The following RBFOX1 variants were observed in gnomAD, a reference collection of about 807,000 sequenced individuals.
The protein encoded by RBFOX1 is RNA binding protein fox-1 homolog 1.
A neutral mutation model predicts 57.7 loss-of-function variants in RBFOX1; 8 were observed. That is an observed-to-expected ratio of 0.14 (90% CI 0.08 to 0.25). The LOEUF (loss-of-function observed/expected upper bound fraction) is 0.25, where lower values mean the gene tolerates loss of function less well. RBFOX1 is among the 10% of genes least tolerant of loss of function. RBFOX1 has a pLI of 1.00. For synonymous variants in RBFOX1, 326 were observed against 222.4 expected, an observed-to-expected ratio of 1.47 and a Z score of -4.15; for missense variants, 611 against 548.5, an observed-to-expected ratio of 1.11 and a Z score of -1.14.
chr16:6,893,962 T>C (rs1337355188), intron 3 of RBFOX1, among the ~76,000 whole-genome samples: 9 of 152,162 alleles, frequency 5.9e-5, no homozygotes, highest in Non-Finnish European at 1.3e-4. Flanking sequence ...ATTAACCAAG[T>C]GCTATGATGT....
chr16:7,710,053 G>C (rs2083716566), intron 15 of RBFOX1: 3 of 1,001,400 alleles, frequency 3.0e-6, no homozygotes, highest in Admixed American at 1.2e-4. Context: ...CTGAAGCTCA[G>C]TCATAGAAAT....
chr16:6,766,088 C>T (rs534390345), intron 3 of RBFOX1, among the ~76,000 whole-genome samples: 1 of 151,958 alleles, frequency 6.6e-6, no homozygotes, highest in Non-Finnish European at 1.5e-5. Flanking sequence ...TGCAATTCAT[C>T]CATGTAACCA....
At chr16:6,968,854 T>C (rs2084885278) in intron 3 of RBFOX1, among the ~76,000 whole-genome samples, 1 of 151,894 alleles carries the variant, frequency 6.6e-6, no homozygotes. Context: ...CTGCAGGTCT[T>C]CTGGCAGCTG....
intron 3 of RBFOX1, among the ~76,000 whole-genome samples, chr16:5,813,803 A>G (rs908306308): frequency 2.0e-5 from 3 of 152,196 alleles, no homozygotes; most frequent in South Asian, 2.1e-4. Context: ...ATCCAGTCTC[A>G]CTGGGAATTT....
At position 5,958,938 on chromosome 16, in the gene RBFOX1, C is replaced by A. The variant is rs558115338; in HGVS notation, c.351+91603C>A. Among the ~76,000 whole-genome samples, 134 of 152,282 alleles carry A rather than the reference C, an allele frequency of 8.8e-4. 1 individual carries two copies. The highest frequency in any genetic ancestry group is 4.1e-4 in the Non-Finnish European group (28 of 68,014). On this transcript the variant is annotated intron_variant, in intron 4 of 19. Coordinates refer to the RBFOX1 transcript ENST00000641259. Reference sequence around the variant, plus strand: ...CAGGATAACCTCCCCATCTCAACAACCTAAATCACATCTGCAGAGTTCCTT... The same window carrying A: ...CAGGATAACCTCCCCATCTCAACAAACTAAATCACATCTGCAGAGTTCCTT...
intron 1 of RBFOX1, among the ~76,000 whole-genome samples, chr16:6,192,311 G>C (rs2097146982): frequency 6.6e-6 from 1 of 152,124 alleles, no homozygotes; most frequent in South Asian, 2.1e-4. Flanking sequence ...GGCATTGGTA[G>C]CTCGCTAATG....
chr16:5,845,301 CCTT>C (rs1201756389), intron 3 of RBFOX1, among the ~76,000 whole-genome samples: 3 of 152,164 alleles, frequency 2.0e-5, no homozygotes, highest in African/African-American at 4.8e-5. Context: ...TTCATTTCCT[CCTT>C]CTTCTGGACC....
chr16:6,162,264 C>A (rs2096885248), intron 1 of RBFOX1, among the ~76,000 whole-genome samples: 1 of 152,074 alleles, frequency 6.6e-6, no homozygotes, highest in African/African-American at 2.4e-5. Context: ...ATTACAGGCA[C>A]ACCACTACAT....
chr16:7,148,552 A>C (rs971953630), intron 4 of RBFOX1, among the ~76,000 whole-genome samples: 41 of 152,356 alleles, frequency 2.7e-4, no homozygotes, highest in African/African-American at 9.4e-4. Flanking sequence ...CCCTGAACAG[A>C]CAACATAGCT....
chr16:5,257,913 C>G (rs765204868), intron 1 of RBFOX1, among the ~76,000 whole-genome samples: 31 of 152,150 alleles, frequency 2.0e-4, no homozygotes, highest in Non-Finnish European at 3.5e-4. Flanking sequence ...GGGTCTAACT[C>G]TGTCACCCAG....
chr16:5,527,214 A>C (rs987848662), intron 2 of RBFOX1, among the ~76,000 whole-genome samples: 6 of 152,142 alleles, frequency 3.9e-5, no homozygotes, highest in African/African-American at 1.4e-4. Flanking sequence ...TGTCCTGATG[A>C]GGACCCGCGA....
chr16:6,673,504 C>G (rs1409711861), intron 3 of RBFOX1, among the ~76,000 whole-genome samples: 1 of 152,134 alleles, frequency 6.6e-6, no homozygotes, highest in Non-Finnish European at 1.5e-5. Flanking sequence ...AGGAGAATCA[C>G]CTGAACCCAG....
intron 4 of RBFOX1, among the ~76,000 whole-genome samples, chr16:7,437,984 G>A (rs2098736307): frequency 6.6e-6 from 1 of 151,842 alleles, no homozygotes; most frequent in Admixed American, 6.6e-5. Context: ...CTTTTAGGAT[G>A]CACTTTAGAA....
chr16:6,489,448 A>G (rs12924480), intron 2 of RBFOX1, among the ~76,000 whole-genome samples: 35,216 of 152,090 alleles, frequency 0.23, 4,753 homozygotes, highest in Non-Finnish European at 0.3. Context: ...TACTTTTTAC[A>G]AAGAGGGAAC....
At chr16:6,217,721 A>G (rs879717931) in intron 1 of RBFOX1, among the ~76,000 whole-genome samples, 7 of 152,124 alleles carry the variant, frequency 4.6e-5, no homozygotes, top group Non-Finnish European at 1.0e-4. Flanking sequence ...GCCCTCACAA[A>G]TATGTTGCAT....
In RBFOX1 at chr16:6,931,297, C is replaced by G. The variant is rs1403152883; in HGVS notation, c.-15-120760C>G. Among the ~76,000 whole-genome samples, 11 of 111,288 alleles carry G rather than the reference C, an allele frequency of 9.9e-5. No homozygotes were observed. The East Asian group carries it at 2.8e-3, about 29-fold the overall frequency. 73.0% of individuals were successfully genotyped at this position (111,288 alleles called of 152,430 possible). A position where few individuals can be genotyped will look rare whatever the true frequency, so the allele number is the denominator to read the frequency against. On this transcript the variant is annotated intron_variant, in intron 3 of 15. Coordinates refer to ENST00000550418, the MANE Select transcript of RBFOX1 (RefSeq NM_018723.4). ...TCTATCTATCTGTCTGTCTGTCTGT[C>G]TATCTATCTATCTATCTATCTATCT...
Position 7,343,774 on chromosome 16 carries a change from A to G in RBFOX1, c.28-174373A>G, listed in dbSNP as rs182464325. Among the ~76,000 whole-genome samples, 58 of 151,936 alleles carry G rather than the reference A, an allele frequency of 3.8e-4. No homozygotes were observed. The East Asian group carries it at 0.01, about 27-fold the overall frequency. On this transcript the variant is annotated intron_variant, in intron 4 of 15. Coordinates refer to ENST00000550418, the MANE Select transcript of RBFOX1 (RefSeq NM_018723.4). ...ATCTGCTGCAACCATTGAGGCCTCC[A>G]CCTCTGGGACCTTGGATGCCATTTG...
chr16:7,464,110 G>A (rs996977521), intron 4 of RBFOX1, among the ~76,000 whole-genome samples: 9 of 152,052 alleles, frequency 5.9e-5, no homozygotes, highest in Non-Finnish European at 1.3e-4. Flanking sequence ...CTTGTACATT[G>A]CCACTCCCTT....
intron 2 of RBFOX1, among the ~76,000 whole-genome samples, chr16:6,383,692 C>T (rs151126304): frequency 1.3e-5 from 2 of 151,988 alleles, no homozygotes; most frequent in Non-Finnish European, 1.5e-5. Context: ...ATTGCATGAA[C>T]CCGGGAGACA....
Sources: gnomAD v4.1 joint callset for allele counts (sites outside exome capture counted in the v4.1 genomes callset) on GRCh38, gnomAD v4.1.1 for gene constraint, MANE v1.5 for transcripts, NCBI Gene and HGNC (gene_info 2026-07-23, HGNC 2026-07-21) for gene names.